The following C5 variants were observed in gnomAD, a reference collection of about 807,000 sequenced individuals.
C5 encodes complement C5, also known as C3 and PZP-like alpha-2-macroglobulin domain-containing protein 4.
A neutral mutation model predicts 218.8 loss-of-function variants in C5; 140 were observed. The observed-to-expected ratio is 0.64, with a 90% CI of 0.56 to 0.74. The LOEUF is 0.74. C5 is among the 30% of genes least tolerant of loss of function. C5 has a pLI of 0.00. For missense variants in C5, 1,700 were observed against 1,969.6 expected, an observed-to-expected ratio of 0.86 and a Z score of 2.59; for synonymous variants, 614 against 682.3, an observed-to-expected ratio of 0.90 and a Z score of 1.56.
chr9:120,999,622 AACAC>A, intron 20 of C5: 13 of 216,742 alleles, frequency 6.0e-5, no homozygotes, highest in Non-Finnish European at 1.2e-4. Flanking sequence ...ACTGCCTGCT[AACAC>A]ACACACACAC....
intron 7 of C5, among the ~76,000 whole-genome samples, chr9:121,029,314 G>T (rs951147593): frequency 6.6e-5 from 10 of 152,176 alleles, no homozygotes; most frequent in African/African-American, 2.2e-4. Flanking sequence ...TAATAAGAGA[G>T]CTAGCATAGG....
chr9:120,955,831 T>G (rs2131661300), intron 39 of C5, among the ~76,000 whole-genome samples: 1 of 152,100 alleles, frequency 6.6e-6, no homozygotes, highest in South Asian at 2.1e-4. Context: ...CCCTTGAGCC[T>G]AGGAGTTTGA....
intron 40 of C5, 67 bp from the exon 41 acceptor site, chr9:120,952,935 T>C: frequency 6.4e-7 from 1 of 1,572,776 alleles, no homozygotes; most frequent in Non-Finnish European, 8.7e-7. Context: ...TTTCTTTATT[T>C]TTTTTTGAGA....
intron 3 of C5, among the ~76,000 whole-genome samples, chr9:121,038,981 C>A (rs1016689112): frequency 1.3e-5 from 2 of 152,170 alleles, no homozygotes; most frequent in African/African-American, 2.4e-5. Context: ...CTGCCCAAGT[C>A]AGAAAGTCAC....
intron 33 of C5, 21 bp downstream of exon 33, chr9:120,969,040 C>A: frequency 6.2e-7 from 1 of 1,606,088 alleles, no homozygotes; most frequent in South Asian, 1.1e-5. Flanking sequence ...TCTATGCTCC[C>A]CTTTGTGGAA....
chr9:120,997,808 A>AT (rs34704763), intron 20 of C5, 34 bp from the exon 21 acceptor site: 28,864 of 1,338,440 alleles, frequency 0.022, 115 homozygotes, highest in African/African-American at 0.088. Flanking sequence ...ATCAAAATAC[A>AT]TTTTTTTTTT....
rs756756409 is a variant in C5 at position 121,016,370 on chromosome 9, A to G, written c.1880T>C (p.Leu627Ser). The change falls in exon 15 of 41, where the codon TTA becomes TCA. Residue 627 changes from leucine (L) to serine (S), a missense_variant. Physicochemically the swap from Leu to Ser is moderately radical, Grantham distance 145. Coordinates refer to ENST00000223642, the MANE Select transcript of C5 (RefSeq NM_001735.3). ...CCCACAGCCCAGATCACTCTTCTCT[A>G]AGAATTGAAATACCTGTCCAGAAAG... is the stretch of plus-strand genomic sequence containing the variant. Reference protein sequence around the residue: ...KKPLERVFQFLEKSDLGCGAG... With the variant: ...KKPLERVFQFSEKSDLGCGAG... The G allele has an allele frequency of 6.2e-7, 1 of 1,614,034 alleles. No homozygotes were observed. Among genetic ancestry groups the G allele is most frequent in the East Asian group, 2.2e-5 (1 of 44,884 alleles).
intron 33 of C5, among the ~76,000 whole-genome samples, chr9:120,968,735 G>A (rs1343259283): frequency 6.6e-6 from 1 of 152,186 alleles, no homozygotes; most frequent in Non-Finnish European, 1.5e-5. Flanking sequence ...TTCTAAGTAA[G>A]AGAGTAGGGG....
chr9:121,034,802 C>T lies in C5; in HGVS notation c.584+1G>A, dbSNP rs1270324533. 1 of 1,508,156 alleles carries T rather than the reference C, an allele frequency of 6.6e-7. No homozygotes were observed. The highest frequency in any genetic ancestry group is 1.4e-5 in the African/African-American group (1 of 72,822). 93.4% of individuals were successfully genotyped at this position (1,508,156 alleles called of 1,614,324 possible). On this transcript the variant is annotated splice_donor_variant, in intron 5 of 40. Coordinates refer to ENST00000223642, the MANE Select transcript of C5 (RefSeq NM_001735.3). LOFTEE classifies it high-confidence loss of function. ...TTTTATTAACAACTATTTTTACATACCTAGGATTAGACGGAATCTTGAAGT... is the reference window on the plus strand; with the variant it reads ...TTTTATTAACAACTATTTTTACATATCTAGGATTAGACGGAATCTTGAAGT...
chr9:121,070,412 T>TAC, the C5 span, among the ~76,000 whole-genome samples: 1 of 137,846 alleles, frequency 7.3e-6, no homozygotes, highest in Non-Finnish European at 1.5e-5. Context: ...TATATATATA[T>TAC]ATATATATAT....
intron 37 of C5, 89 bp downstream of exon 37, chr9:120,961,393 T>G: frequency 1.2e-6 from 1 of 818,302 alleles, no homozygotes; most frequent in East Asian, 2.5e-5. Context: ...AAAGAACAGT[T>G]TACCAAACAG....
At chr9:120,953,659 A>G (rs2046763593) in intron 40 of C5, 71 bp downstream of exon 40, 1 of 1,425,006 alleles carries the variant, frequency 7.0e-7, no homozygotes, top group Non-Finnish European at 9.9e-7. Context: ...AGAAACACGT[A>G]GTGTATTTAA....
intron 20 of C5, among the ~76,000 whole-genome samples, chr9:121,002,316 G>GTATATATATA (rs71370614): frequency 8.0e-5 from 7 of 87,386 alleles, no homozygotes; most frequent in East Asian, 3.6e-4. Flanking sequence ...ATATGTGTGT[G>GTATATATATA]TATATATATA....
At chr9:121,044,554 G>A (rs1409377452) in intron 2 of C5, among the ~76,000 whole-genome samples, 1 of 152,128 alleles carries the variant, frequency 6.6e-6, no homozygotes, top group Non-Finnish European at 1.5e-5. Flanking sequence ...TAATAAATGA[G>A]ATTTGACACT....
rs1326032589 is a variant in C5, at chr9:121,037,302, G to T, written c.492+579C>A. Among the ~76,000 whole-genome samples, 903 of 136,730 alleles carry T rather than the reference G, an allele frequency of 6.6e-3. 8 individuals are homozygous for T. Among genetic ancestry groups the T allele is most frequent in the Non-Finnish European group, 0.011 (720 of 62,992 alleles). The allele number at this position is 136,730 out of a possible 152,430, so 89.7% of individuals were successfully genotyped here. The stretch of plus-strand genomic sequence containing the variant: ...TTGGTGGGTGGTTTTTTGTTTTTTG[G>T]TTTTTTTTTTTTTTTTAGATTTTCT... On this transcript the variant is annotated intron_variant, in intron 4 of 40. Transcript: ENST00000223642.
the C5 span, among the ~76,000 whole-genome samples, chr9:121,058,536 T>G: frequency 6.6e-6 from 1 of 152,178 alleles, no homozygotes; most frequent in Non-Finnish European, 1.5e-5. Flanking sequence ...CCTCCTTGGT[T>G]CAAGTGATTC....
chr9:121,006,355 T>C (rs1028124435), intron 19 of C5, among the ~76,000 whole-genome samples: 6 of 152,236 alleles, frequency 3.9e-5, no homozygotes, highest in African/African-American at 1.4e-4. Context: ...ATTGGCTCCA[T>C]GTTTAATGAG....
chr9:121,025,448 A>ACACACG lies in C5; in HGVS notation c.1000+5_1000+6insCGTGTG. 6.2e-7 allele frequency: 1 copy of ACACACG among 1,607,930 alleles called. No individual in the cohort carries two copies. The highest frequency in any genetic ancestry group is 1.1e-5 in the South Asian group (1 of 90,764). On this transcript the variant is annotated splice_donor_region_variant and intron_variant, in intron 9 of 40. Coordinates refer to ENST00000223642, the MANE Select transcript of C5 (RefSeq NM_001735.3). ...CACACACACACACACACACACACAC[A>ACACACG]CTTACCTGTAGACTCTATGACTGTT... is the stretch of plus-strand genomic sequence containing the variant.
At chr9:120,972,375 T>C (rs573840888) in intron 30 of C5, among the ~76,000 whole-genome samples, 3 of 152,302 alleles carry the variant, frequency 2.0e-5, no homozygotes, top group Non-Finnish European at 2.9e-5. Context: ...CCAATGGAGA[T>C]CGTTTTCATT....
Sources: gnomAD v4.1 joint callset for allele counts (sites outside exome capture counted in the v4.1 genomes callset) on GRCh38, gnomAD v4.1.1 for gene constraint, MANE v1.5 for transcripts, NCBI Gene and HGNC (gene_info 2026-07-23, HGNC 2026-07-21) for gene names.